EIF4ENIF1: variants seen among roughly 807,000 people sequenced by gnomAD.
EIF4ENIF1 encodes eukaryotic translation initiation factor 4E nuclear import factor 1.
A neutral mutation model predicts 110.5 loss-of-function variants in EIF4ENIF1; 23 were observed. The observed-to-expected ratio is 0.21, with a 90% CI of 0.15 to 0.29. The LOEUF is 0.29. Ranked by LOEUF, EIF4ENIF1 falls within the 10% of genes least tolerant of loss-of-function variation. The pLI, the probability that EIF4ENIF1 is intolerant of heterozygous loss-of-function variation, is 1.00. For missense variants in EIF4ENIF1, 1,031 were observed against 1,221.1 expected (o/e 0.84, Z 2.32); for synonymous variants, 440 against 437.0 (o/e 1.01, Z -0.09).
chr22:31,456,348 T>A (rs557924010), intron 7 of EIF4ENIF1, among the ~76,000 whole-genome samples: 1 of 150,600 alleles, frequency 6.6e-6, no homozygotes. Flanking sequence ...CTCAGCCTCC[T>A]GAGTAGCTGG....
In EIF4ENIF1 at chr22:31,471,870, A is replaced by T; in HGVS notation, c.144T>A (p.Pro48=). 6.2e-7 allele frequency: 1 copy of T among 1,607,558 alleles called. No homozygotes were observed. The highest frequency in any genetic ancestry group is 2.2e-5 in the East Asian group (1 of 44,594). ...IKELPHSKQR[P]SCLSEKYDSD... ...TGTCATATTTTTCAGAAAGGCATGA[A>T]GGCCTCTGTTTGGAATGGGGGAGTT... Residue 48 remains proline (P), a synonymous_variant, in exon 3 of 19, where the codon CCT becomes CCA. Transcript: ENST00000330125.
At chr22:31,455,623 C>G (rs1230893309) in intron 8 of EIF4ENIF1, among the ~76,000 whole-genome samples, 1 of 152,142 alleles carries the variant, frequency 6.6e-6, no homozygotes, top group Non-Finnish European at 1.5e-5. Context: ...TGGTCTCAAA[C>G]TCCTAACCTT....
At chr22:31,458,691 T>C in intron 6 of EIF4ENIF1, 41 bp from the exon 7 acceptor site, 1 of 1,522,992 alleles carries the variant, frequency 6.6e-7, no homozygotes. Context: ...GATAAGTAAA[T>C]CACTCCAGTG....
At chr22:31,468,075 C>T in intron 4 of EIF4ENIF1, 100 bp downstream of exon 4, 9 of 1,493,268 alleles carry the variant, frequency 6.0e-6, no homozygotes, top group Non-Finnish European at 8.2e-6. Context: ...AATGACATTT[C>T]CCCTCAAAGC....
At chr22:31,488,226 G>T (rs1182251399) in intron 2 of EIF4ENIF1, among the ~76,000 whole-genome samples, 1 of 152,076 alleles carries the variant, frequency 6.6e-6, no homozygotes, top group Non-Finnish European at 1.5e-5. Flanking sequence ...GCATTCCTAT[G>T]GGGAGTCTGC....
intron 2 of EIF4ENIF1, among the ~76,000 whole-genome samples, chr22:31,487,649 G>C (rs1420784682): frequency 6.6e-6 from 1 of 152,040 alleles, no homozygotes; most frequent in African/African-American, 2.4e-5. Flanking sequence ...AATTAGCCGA[G>C]CGTACTGGTG....
chr22:31,444,466 A>G, intron 15 of EIF4ENIF1, 140 bp downstream of exon 15: 1 of 779,568 alleles, frequency 1.3e-6, no homozygotes, highest in Non-Finnish European at 2.2e-6. Flanking sequence ...AAGACCTAAT[A>G]GACAGTTATG....
chr22:31,448,306 G>T, intron 12 of EIF4ENIF1, 74 bp from the exon 13 acceptor site: 1 of 1,426,378 alleles, frequency 7.0e-7, no homozygotes, highest in Non-Finnish European at 9.9e-7. Flanking sequence ...ATTAATGCAT[G>T]ACATTTCTTG....
chr22:31,492,877 G>A (rs548840559), upstream of EIF4ENIF1, among the ~76,000 whole-genome samples: 11 of 151,944 alleles, frequency 7.2e-5, no homozygotes, highest in South Asian at 2.1e-4. Flanking sequence ...GATTACAGGC[G>A]CATGCCACCA....
chr22:31,460,009 T>C (rs562100076), intron 6 of EIF4ENIF1, among the ~76,000 whole-genome samples: 1 of 152,318 alleles, frequency 6.6e-6, no homozygotes, highest in South Asian at 2.1e-4. Flanking sequence ...AACATAATTT[T>C]TTCTCACCAG....
intron 4 of EIF4ENIF1, among the ~76,000 whole-genome samples, chr22:31,466,592 C>CA (rs1052438698): frequency 5.9e-4 from 76 of 128,432 alleles, no homozygotes; most frequent in Admixed American, 1.7e-3. Context: ...AAAAAAACAA[C>CA]AAAAAAAAAC....
At position 31,440,084 on chromosome 22, in the gene EIF4ENIF1, A is replaced by T. The variant is rs1236853370; in HGVS notation, c.2754T>A (p.Ala918=). ...TCTGAGGGGTTGTCTGAACGCTGAC[A>T]GCTGCTGCATGGGAACCAGAGCCTG... ...HPPGSGSHAA[A]VSVQTTPQNV... Residue 918 remains alanine (A), a synonymous_variant, in exon 19 of 19, where the codon GCT becomes GCA. Transcript: ENST00000330125. 3.7e-6 allele frequency: 6 copies of T among 1,614,072 alleles called. No homozygotes were observed. In the African/African-American group the frequency reaches 8.0e-5, roughly 22 times the overall value.
intron 4 of EIF4ENIF1, among the ~76,000 whole-genome samples, chr22:31,466,645 G>GGGC (rs568928211): frequency 7.3e-6 from 1 of 137,120 alleles, no homozygotes; most frequent in Admixed American, 7.4e-5. Context: ...AGTGTTGTGG[G>GGGC]GGGGGCAGCT....
At chr22:31,453,563 G>T (rs2050736854) in intron 10 of EIF4ENIF1, among the ~76,000 whole-genome samples, 1 of 151,922 alleles carries the variant, frequency 6.6e-6, no homozygotes, top group Non-Finnish European at 1.5e-5. Context: ...AGTAGAGATG[G>T]CGTTTCACCA....
chr22:31,447,364 A>C, intron 14 of EIF4ENIF1, 62 bp downstream of exon 14: 1 of 1,590,668 alleles, frequency 6.3e-7, no homozygotes, highest in Non-Finnish European at 8.6e-7. Flanking sequence ...GCAGATAAGT[A>C]ATTTATTAGT....
At chr22:31,482,400 G>A (rs995527196) in intron 2 of EIF4ENIF1, among the ~76,000 whole-genome samples, 1 of 152,174 alleles carries the variant, frequency 6.6e-6, no homozygotes, top group Admixed American at 6.6e-5. Context: ...TAGTCTATTT[G>A]GCCGGGTGCG....
Position 31,463,039 on chromosome 22 carries a change from G to T in EIF4ENIF1, c.680C>A (p.Thr227Lys). ...CAGTTCGATGGTTTCAGACTGACTT[G>T]TGGGTCCAGCAGAGAACCACTCTGG... ...EEPEWFSAGP[T>K]SQSETIELTG... Residue 227 changes from threonine (T) to lysine (K), a missense_variant, in exon 6 of 19, where the codon ACA becomes AAA. Thr to Lys is a moderately conservative substitution (Grantham distance 78). Transcript: ENST00000330125. The T allele has an allele frequency of 6.2e-7, 1 of 1,614,152 alleles. No individual in the cohort carries two copies. The highest frequency in any genetic ancestry group is 8.5e-7 in the Non-Finnish European group (1 of 1,180,022).
intron 14 of EIF4ENIF1, among the ~76,000 whole-genome samples, chr22:31,445,586 A>G (rs2050437007): frequency 6.6e-6 from 1 of 152,180 alleles, no homozygotes; most frequent in Non-Finnish European, 1.5e-5. Context: ...TCTGGTAAAC[A>G]TATTTGAGCA....
rs2050228841 is a variant in EIF4ENIF1, at chr22:31,439,562, A to G, written c.*318T>C. 3.9e-5 allele frequency: 14 copies of G among 355,824 alleles called. No homozygotes were observed. Among genetic ancestry groups the G allele is most frequent in the South Asian group, 3.5e-4 (11 of 31,338 alleles). 22.0% of individuals were successfully genotyped at this position (355,824 alleles called of 1,614,324 possible). Reference sequence around the variant, plus strand: ...TACACAGGTCTGTACATAAGGGTCTATACATTTATTTCCTCAGAACCCTTA... The same window carrying G: ...TACACAGGTCTGTACATAAGGGTCTGTACATTTATTTCCTCAGAACCCTTA... On this transcript the variant is annotated 3_prime_UTR_variant, in exon 19 of 19. Coordinates refer to ENST00000330125, the MANE Select transcript of EIF4ENIF1 (RefSeq NM_019843.4).
Sources: gnomAD v4.1 joint callset for allele counts (sites outside exome capture counted in the v4.1 genomes callset) on GRCh38, gnomAD v4.1.1 for gene constraint, MANE v1.5 for transcripts, NCBI Gene and HGNC (gene_info 2026-07-23, HGNC 2026-07-21) for gene names.